LARGE1: variants seen among roughly 807,000 people sequenced by gnomAD.
The protein encoded by LARGE1 is xylosyl- and glucuronyltransferase LARGE1.
LARGE1 carries 43 observed loss-of-function variants against 87.6 expected under a neutral mutation model. The ratio of observed to expected loss-of-function variants is 0.49; its 90% CI spans 0.38 to 0.63. The LOEUF is 0.63. Among genes scored for constraint, LARGE1 ranks in the 30% least tolerant of loss-of-function variants. The pLI is 0.00. For synonymous variants in LARGE1, 434 were observed against 394.6 expected (o/e 1.10, Z -1.18); for missense variants, 802 against 1,000.2 (o/e 0.80, Z 2.67).
intron 11 of LARGE1, among the ~76,000 whole-genome samples, chr22:33,256,092 C>T (rs187676961): frequency 6.6e-5 from 10 of 152,282 alleles, no homozygotes; most frequent in East Asian, 1.9e-4. Context: ...CTCTGCCAGC[C>T]GAGCAGGGAA....
intron 12 of LARGE1, among the ~76,000 whole-genome samples, chr22:33,303,814 G>A (rs1022055908): frequency 6.6e-6 from 1 of 151,368 alleles, no homozygotes; most frequent in Non-Finnish European, 1.5e-5. Flanking sequence ...TAGTAGGGGG[G>A]GGGTTTCACC....
At chr22:33,423,484 C>G (rs1385227258) in intron 7 of LARGE1, among the ~76,000 whole-genome samples, 2 of 151,362 alleles carry the variant, frequency 1.3e-5, no homozygotes, top group Non-Finnish European at 2.9e-5. Flanking sequence ...TGAGACCAGC[C>G]TGGCCAACAC....
At chr22:33,825,134 T>C (rs2062742549) in intron 1 of LARGE1, among the ~76,000 whole-genome samples, 1 of 152,166 alleles carries the variant, frequency 6.6e-6, no homozygotes, top group South Asian at 2.1e-4. Flanking sequence ...TTCCCCCAGT[T>C]TGCTCTGCAG....
At chr22:33,888,417 C>T (rs546090869) in intron 1 of LARGE1, among the ~76,000 whole-genome samples, 1 of 152,278 alleles carries the variant, frequency 6.6e-6, no homozygotes, top group African/African-American at 2.4e-5. Context: ...AATGCCCTTC[C>T]ATTTCCCTTC....
At chr22:33,459,621 G>A (rs1011553094) in intron 6 of LARGE1, among the ~76,000 whole-genome samples, 2 of 148,502 alleles carry the variant, frequency 1.3e-5, no homozygotes, top group Admixed American at 6.7e-5. Flanking sequence ...TAGCACCCAA[G>A]AACAATGCAG....
At chr22:33,670,323 T>C (rs1165718353) in intron 2 of LARGE1, among the ~76,000 whole-genome samples, 1 of 151,860 alleles carries the variant, frequency 6.6e-6, no homozygotes, top group East Asian at 1.9e-4. Flanking sequence ...GAAGTAGCAT[T>C]TGGAAGCACC....
At chr22:33,173,150 C>G (rs1922670091) in intron 11 of LARGE1, among the ~76,000 whole-genome samples, 1 of 152,206 alleles carries the variant, frequency 6.6e-6, no homozygotes, top group African/African-American at 2.4e-5. Context: ...ATTCGATTAA[C>G]AGCAGATCTC....
chr22:33,862,316 C>T (rs569432565), intron 1 of LARGE1, among the ~76,000 whole-genome samples: 33 of 152,300 alleles, frequency 2.2e-4, no homozygotes, highest in Middle Eastern at 3.4e-3. Flanking sequence ...AGACTCTGTT[C>T]GGCCCACCTG....
At chr22:33,102,656 C>CT in the LARGE1 span, among the ~76,000 whole-genome samples, 1 of 151,948 alleles carries the variant, frequency 6.6e-6, no homozygotes, top group Non-Finnish European at 1.5e-5. Context: ...TGCCCAGCTA[C>CT]TTTTTTGTAT....
At chr22:33,486,731 T>C (rs888787857) in intron 6 of LARGE1, among the ~76,000 whole-genome samples, 3 of 152,170 alleles carry the variant, frequency 2.0e-5, no homozygotes, top group African/African-American at 7.2e-5. Context: ...AATTACACAA[T>C]CCACTGTTGA....
chr22:33,140,583 G>A, the LARGE1 span, among the ~76,000 whole-genome samples: 3 of 152,210 alleles, frequency 2.0e-5, no homozygotes, highest in Non-Finnish European at 2.9e-5. Context: ...GGAAGAAGTT[G>A]AAGGGATTTG....
At chr22:33,304,748 A>G (rs753476539) in intron 11 of LARGE1, among the ~76,000 whole-genome samples, 5 of 152,004 alleles carry the variant, frequency 3.3e-5, no homozygotes, top group Non-Finnish European at 7.3e-5. Context: ...GTATCCCACT[A>G]TAAGCCTTGG....
chr22:33,229,940 G>A (rs1925919423), intron 11 of LARGE1, among the ~76,000 whole-genome samples: 1 of 148,070 alleles, frequency 6.8e-6, no homozygotes, highest in South Asian at 2.1e-4. Flanking sequence ...TGACAGCAGA[G>A]TCTCATAAAA....
chr22:33,596,862 T>C (rs1050940764), intron 5 of LARGE1, among the ~76,000 whole-genome samples: 2 of 152,206 alleles, frequency 1.3e-5, no homozygotes, highest in African/African-American at 4.8e-5. Context: ...TCTTCACCAA[T>C]AAAGGAGAGC....
At chr22:33,858,407 G>A (rs2063818989) in intron 1 of LARGE1, among the ~76,000 whole-genome samples, 1 of 152,238 alleles carries the variant, frequency 6.6e-6, no homozygotes, top group Admixed American at 6.5e-5. Context: ...CATACAAAGG[G>A]AGGGGACCCA....
chr22:33,208,389 G>C (rs16991970), intron 11 of LARGE1, among the ~76,000 whole-genome samples: 290 of 152,234 alleles, frequency 1.9e-3, no homozygotes, highest in African/African-American at 6.2e-3. Context: ...AAGCTGCTTG[G>C]GTTTCTTAGC....
intron 11 of LARGE1, among the ~76,000 whole-genome samples, chr22:33,171,791 C>T (rs1922587063): frequency 6.6e-6 from 1 of 152,198 alleles, no homozygotes; most frequent in South Asian, 2.1e-4. Context: ...TCATGGAGAA[C>T]ATTTGCTAGG....
intron 1 of LARGE1, among the ~76,000 whole-genome samples, chr22:33,876,603 T>C (rs941879258): frequency 6.7e-6 from 1 of 149,306 alleles, no homozygotes; most frequent in African/African-American, 2.5e-5. Context: ...ACAATGAGAA[T>C]GCATGGACAC....
At chr22:33,658,653 G>A (rs1273964511) in intron 2 of LARGE1, among the ~76,000 whole-genome samples, 6 of 152,180 alleles carry the variant, frequency 3.9e-5, no homozygotes, top group East Asian at 3.8e-4. Flanking sequence ...ATTCCATGGT[G>A]TATATGTACC....
Sources: gnomAD v4.1 joint callset for allele counts (sites outside exome capture counted in the v4.1 genomes callset) on GRCh38, gnomAD v4.1.1 for gene constraint, MANE v1.5 for transcripts, NCBI Gene and HGNC (gene_info 2026-07-23, HGNC 2026-07-21) for gene names.